The following GRM7 variants were observed in gnomAD, a reference collection of about 807,000 sequenced individuals.
GRM7 encodes the protein metabotropic glutamate receptor 7.
Under a neutral mutation model 84.5 loss-of-function variants are expected in GRM7, and 35 were observed. The ratio of observed to expected loss-of-function variants is 0.41; its 90% CI spans 0.32 to 0.55. GRM7 has a LOEUF of 0.55. Ranked by LOEUF, GRM7 falls within the 20% of genes least tolerant of loss-of-function variation. The pLI, the probability that GRM7 is intolerant of heterozygous loss-of-function variation, is 0.19. For missense variants in GRM7, 1,003 were observed against 1,194.6 expected, an observed-to-expected ratio of 0.84 and a Z score of 2.36; for synonymous variants, 487 against 455.1, an observed-to-expected ratio of 1.07 and a Z score of -0.89.
intron 9 of GRM7, among the ~76,000 whole-genome samples, chr3:7,716,300 G>A (rs956185926): frequency 5.9e-5 from 9 of 152,080 alleles, no homozygotes; most frequent in Admixed American, 6.6e-5. Context: ...CCCCACACTC[G>A]TTCCATAACT....
At chr3:7,025,281 A>G (rs1353336640) in intron 1 of GRM7, among the ~76,000 whole-genome samples, 1 of 152,176 alleles carries the variant, frequency 6.6e-6, no homozygotes, top group Non-Finnish European at 1.5e-5. Flanking sequence ...TTGCCATATA[A>G]TGAACAAACT....
chr3:7,218,411 A>G (rs1034495001), intron 2 of GRM7, among the ~76,000 whole-genome samples: 9 of 152,022 alleles, frequency 5.9e-5, no homozygotes, highest in African/African-American at 2.2e-4. Flanking sequence ...TCCTTTTGTG[A>G]ATTGCATGTG....
intron 1 of GRM7, among the ~76,000 whole-genome samples, chr3:7,003,352 C>T (rs899925411): frequency 5.9e-5 from 9 of 151,858 alleles, no homozygotes; most frequent in South Asian, 2.1e-4. Flanking sequence ...ACATTGTGCC[C>T]CATAAATATA....
intron 8 of GRM7, among the ~76,000 whole-genome samples, chr3:7,618,144 C>T (rs992843586): frequency 1.3e-5 from 2 of 152,096 alleles, no homozygotes; most frequent in Non-Finnish European, 2.9e-5. Flanking sequence ...TTATTACTTT[C>T]ATTTTTTATT....
In GRM7 at chr3:7,298,917, A is replaced by G. The variant is rs1262393560; in HGVS notation, c.878+92A>G. The G allele has an allele frequency of 5.2e-6, 6 of 1,153,640 alleles. No individual in the cohort carries two copies. In the East Asian group the frequency reaches 7.2e-5, roughly 14 times the overall value. 71.5% of individuals were successfully genotyped at this position (1,153,640 alleles called of 1,614,324 possible). ...GCTGGCTGAGACAGGAAAAGATAGC[A>G]TAAGATCAAAGCTGTAATCATACAG... On this transcript the variant is annotated intron_variant, in intron 3 of 9. Coordinates refer to ENST00000357716, the MANE Select transcript of GRM7 (RefSeq NM_000844.4).
intron 2 of GRM7, among the ~76,000 whole-genome samples, chr3:7,284,898 C>T (rs908021617): frequency 2.0e-5 from 3 of 151,924 alleles, no homozygotes; most frequent in African/African-American, 7.3e-5. Context: ...AAATATAATG[C>T]TTATTAAAGG....
intron 7 of GRM7, among the ~76,000 whole-genome samples, chr3:7,494,734 C>A (rs1699640138): frequency 6.6e-6 from 1 of 152,096 alleles, no homozygotes; most frequent in Admixed American, 6.6e-5. Flanking sequence ...TTGAGCCCAT[C>A]CAGCCAATAT....
chr3:7,116,177 A>AATTT (rs1693025693), intron 1 of GRM7, among the ~76,000 whole-genome samples: 1 of 152,074 alleles, frequency 6.6e-6, no homozygotes, highest in South Asian at 2.1e-4. Context: ...TGGCAAAAAT[A>AATTT]ATTTCTTCCT....
chr3:7,425,634 G>A (rs1306803326), intron 5 of GRM7, among the ~76,000 whole-genome samples: 2 of 152,174 alleles, frequency 1.3e-5, no homozygotes, highest in Non-Finnish European at 2.9e-5. Context: ...ACTGGCAGAA[G>A]TGGGCAATTT....
intron 4 of GRM7, among the ~76,000 whole-genome samples, chr3:7,352,352 C>T (rs1559259097): frequency 6.6e-6 from 1 of 151,890 alleles, no homozygotes; most frequent in Non-Finnish European, 1.5e-5. Context: ...TTGTGGAAAA[C>T]CAAGGAATAT....
chr3:7,129,040 G>A (rs748035530), intron 1 of GRM7, among the ~76,000 whole-genome samples: 3 of 152,258 alleles, frequency 2.0e-5, no homozygotes, highest in East Asian at 1.9e-4. Flanking sequence ...GCACATTCAC[G>A]GATGTTCATA....
intron 8 of GRM7, among the ~76,000 whole-genome samples, chr3:7,580,263 G>A (rs1270361147): frequency 6.6e-6 from 1 of 152,180 alleles, no homozygotes; most frequent in Non-Finnish European, 1.5e-5. Context: ...ACTGGATGTA[G>A]GCAGCTCTGG....
At chr3:7,252,993 A>G (rs1698059448) in intron 2 of GRM7, among the ~76,000 whole-genome samples, 1 of 137,374 alleles carries the variant, frequency 7.3e-6, no homozygotes, top group South Asian at 2.4e-4. Flanking sequence ...TCTGGCCAAT[A>G]CCAATTTCTG....
At chr3:6,985,034 T>C (rs953789777) in intron 1 of GRM7, among the ~76,000 whole-genome samples, 1 of 152,214 alleles carries the variant, frequency 6.6e-6, no homozygotes, top group African/African-American at 2.4e-5. Context: ...TCACACCTCC[T>C]GGTGTTTCCG....
At chr3:7,138,104 C>T (rs1231959289) in intron 1 of GRM7, among the ~76,000 whole-genome samples, 1 of 151,928 alleles carries the variant, frequency 6.6e-6, no homozygotes, top group Non-Finnish European at 1.5e-5. Flanking sequence ...GTGATAATGA[C>T]ATGCCAGTAA....
At chr3:7,538,643 C>T (rs1477825852) in intron 7 of GRM7, among the ~76,000 whole-genome samples, 1 of 152,122 alleles carries the variant, frequency 6.6e-6, no homozygotes, top group Non-Finnish European at 1.5e-5. Flanking sequence ...AATCAGTAAA[C>T]ATCACTGAGT....
At chr3:7,050,891 G>T (rs531338319) in intron 1 of GRM7, among the ~76,000 whole-genome samples, 1 of 151,832 alleles carries the variant, frequency 6.6e-6, no homozygotes, top group Non-Finnish European at 1.5e-5. Context: ...CCAGTTGAAT[G>T]AAATTTGCAG....
At chr3:7,418,320 G>A (rs568298020) in intron 5 of GRM7, among the ~76,000 whole-genome samples, 64 of 152,238 alleles carry the variant, frequency 4.2e-4, no homozygotes, top group African/African-American at 1.4e-3. Flanking sequence ...CCTGCTCATG[G>A]GATATATTGG....
chr3:6,968,605 G>A (rs527806), intron 1 of GRM7, among the ~76,000 whole-genome samples: 130,635 of 151,824 alleles, frequency 0.86, 56,330 homozygotes, highest in East Asian at 1. Context: ...TGTGTATCAG[G>A]ATCATTATTT....
Sources: allele counts gnomAD v4.1 joint callset (sites outside exome capture counted in the v4.1 genomes callset), GRCh38; gene constraint gnomAD v4.1.1; transcripts MANE v1.5; gene names NCBI Gene and HGNC (gene_info 2026-07-23, HGNC 2026-07-21).